ERBB4: variants seen among roughly 807,000 people sequenced by gnomAD.
The protein encoded by ERBB4 is erb-b2 receptor tyrosine kinase 4, also known as receptor tyrosine-protein kinase erbB-4.
In ERBB4, 42 loss-of-function variants were observed where a neutral mutation model predicts 158.0. The observed-to-expected ratio is 0.27, with a 90% CI of 0.21 to 0.34. The LOEUF (loss-of-function observed/expected upper bound fraction) is 0.34. ERBB4 is among the 10% of genes least tolerant of loss of function. The pLI is 1.00. For synonymous variants in ERBB4, 583 were observed against 558.7 expected (o/e 1.04, Z -0.61); for missense variants, 1,333 against 1,624.1 (o/e 0.82, Z 3.08).
intron 1 of ERBB4, among the ~76,000 whole-genome samples, chr2:212,375,605 AT>A (rs1188961634): frequency 1.3e-5 from 2 of 152,026 alleles, no homozygotes; most frequent in Non-Finnish European, 2.9e-5. Flanking sequence ...TGCAGCCTAT[AT>A]TTTTTCTTAT....
At chr2:212,506,989 G>A (rs1691228173) in intron 1 of ERBB4, among the ~76,000 whole-genome samples, 1 of 152,164 alleles carries the variant, frequency 6.6e-6, no homozygotes, top group Non-Finnish European at 1.5e-5. Flanking sequence ...AAGTTTCAAA[G>A]GACAGGCTGA....
intron 1 of ERBB4, among the ~76,000 whole-genome samples, chr2:212,537,512 C>T (rs1291373618): frequency 6.6e-6 from 1 of 152,092 alleles, no homozygotes; most frequent in African/African-American, 2.4e-5. Flanking sequence ...CCTTTGCCTG[C>T]CCAGGTACCT....
intron 3 of ERBB4, among the ~76,000 whole-genome samples, chr2:211,847,048 T>C (rs2077607855): frequency 6.6e-6 from 1 of 152,130 alleles, no homozygotes; most frequent in Non-Finnish European, 1.5e-5. Context: ...GGATTTCCTC[T>C]GACAAATGCC....
At chr2:212,299,928 G>A (rs997100061) in intron 1 of ERBB4, among the ~76,000 whole-genome samples, 1 of 151,508 alleles carries the variant, frequency 6.6e-6, no homozygotes, top group African/African-American at 2.4e-5. Context: ...TAAATCAGTT[G>A]GAGATAGTCT....
Position 211,906,851 on chromosome 2 carries a change from T to A in ERBB4, c.421+40579A>T, listed in dbSNP as rs1465034158. Among the ~76,000 whole-genome samples the A allele has an allele frequency of 1.3e-5, 2 of 151,602 alleles. 1 individual carries two copies. Among genetic ancestry groups the A allele is most frequent in the East Asian group, 3.9e-4 (2 of 5,082 alleles). ...TTAGTTTGCTAAGGATAATGGCATCTTGTCTTTTAATAAAAGGCCTCCTGT... is the reference window on the plus strand; with the variant it reads ...TTAGTTTGCTAAGGATAATGGCATCATGTCTTTTAATAAAAGGCCTCCTGT... On this transcript the variant is annotated intron_variant, in intron 3 of 27. Coordinates refer to ENST00000342788, the MANE Select transcript of ERBB4 (RefSeq NM_005235.3).
chr2:212,242,749 G>C (rs531990551), intron 1 of ERBB4, among the ~76,000 whole-genome samples: 4 of 152,090 alleles, frequency 2.6e-5, no homozygotes, highest in Non-Finnish European at 5.9e-5. Context: ...ACATAAGCTG[G>C]TACTGCATGT....
At position 212,093,175 on chromosome 2, in the gene ERBB4, C is replaced by T. The variant is rs369546948; in HGVS notation, c.234+31577G>A. On this transcript the variant is annotated intron_variant, in intron 2 of 27. Transcript: ENST00000342788. ...AATAGACCCTATCAGAGGATATAGGCGAGCACATCCCAATGGAAAGTATCT... is the reference window on the plus strand; with the variant it reads ...AATAGACCCTATCAGAGGATATAGGTGAGCACATCCCAATGGAAAGTATCT... 9.3e-4 allele frequency among the ~76,000 whole-genome samples: 141 copies of T among 152,172 alleles called. 1 individual carries two copies. In the South Asian group the frequency reaches 0.028, roughly 30 times the overall value.
chr2:211,548,114 G>A (rs1440406013), intron 20 of ERBB4, among the ~76,000 whole-genome samples: 1 of 151,972 alleles, frequency 6.6e-6, no homozygotes, highest in Non-Finnish European at 1.5e-5. Flanking sequence ...ATTTTCATCT[G>A]GTAGTATAGA....
chr2:212,150,918 C>T lies in ERBB4; in HGVS notation c.83-26015G>A, dbSNP rs1037902832. Among the ~76,000 whole-genome samples, 7 of 152,218 alleles carry T rather than the reference C, an allele frequency of 4.6e-5. No homozygotes were observed. In the East Asian group the frequency reaches 5.8e-4, roughly 13 times the overall value. On this transcript the variant is annotated intron_variant, in intron 1 of 27. Transcript: ENST00000342788. ...GCAGGTTGCTCAAGAAGAATGGTTGCCTCTGCCACTTAAAACATAATGACA... is the reference window on the plus strand; with the variant it reads ...GCAGGTTGCTCAAGAAGAATGGTTGTCTCTGCCACTTAAAACATAATGACA...
chr2:211,570,724 T>C (rs545467527), intron 19 of ERBB4, among the ~76,000 whole-genome samples: 2 of 152,176 alleles, frequency 1.3e-5, no homozygotes, highest in Non-Finnish European at 2.9e-5. Context: ...AAAATAAAAG[T>C]TCCTTCAATT....
At chr2:212,227,750 T>A (rs941688174) in intron 1 of ERBB4, among the ~76,000 whole-genome samples, 3 of 152,142 alleles carry the variant, frequency 2.0e-5, no homozygotes, top group African/African-American at 7.2e-5. Context: ...TTTATCAATA[T>A]AGACTTTTAT....
intron 3 of ERBB4, among the ~76,000 whole-genome samples, chr2:211,944,127 A>G (rs2125128549): frequency 7.0e-6 from 1 of 142,512 alleles, no homozygotes; most frequent in East Asian, 2.0e-4. Context: ...TATACACACT[A>G]TATATGTACA....
chr2:211,804,129 A>G (rs1042268312), intron 3 of ERBB4, among the ~76,000 whole-genome samples: 1 of 152,238 alleles, frequency 6.6e-6, no homozygotes, highest in Non-Finnish European at 1.5e-5. Context: ...TGAATAGGAA[A>G]GGCTTACATG....
At chr2:212,328,513 G>T (rs1174761492) in intron 1 of ERBB4, among the ~76,000 whole-genome samples, 5 of 152,070 alleles carry the variant, frequency 3.3e-5, no homozygotes, top group Middle Eastern at 3.4e-3. Context: ...TGAAGCTGGA[G>T]ATATTATGGT....
At chr2:212,266,701 A>G (rs2085149449) in intron 1 of ERBB4, among the ~76,000 whole-genome samples, 2 of 152,004 alleles carry the variant, frequency 1.3e-5, no homozygotes, top group Admixed American at 1.3e-4. Flanking sequence ...TTAGTGGAAT[A>G]TTCTCAGACT....
intron 3 of ERBB4, among the ~76,000 whole-genome samples, chr2:211,793,470 T>TA: frequency 6.6e-6 from 1 of 151,940 alleles, no homozygotes; most frequent in Non-Finnish European, 1.5e-5. Context: ...GTCAGACTTA[T>TA]ACTATCTATC....
At chr2:211,658,104 T>C (rs1457940446) in intron 15 of ERBB4, 1 of 738,600 alleles carries the variant, frequency 1.4e-6, no homozygotes, top group East Asian at 3.6e-5. Context: ...TAGACTATTT[T>C]GGAACACAAT....
At chr2:211,504,070 G>A (rs2065683297) in intron 20 of ERBB4, among the ~76,000 whole-genome samples, 1 of 152,048 alleles carries the variant, frequency 6.6e-6, no homozygotes, top group Admixed American at 6.6e-5. Flanking sequence ...AAACTGCAGG[G>A]CCATTTGCAA....
chr2:211,451,169 C>T (rs1375272399), intron 20 of ERBB4, among the ~76,000 whole-genome samples: 1 of 152,110 alleles, frequency 6.6e-6, no homozygotes, highest in East Asian at 1.9e-4. Context: ...AAGAGCAGTG[C>T]AGCAGAAATC....
Sources: gnomAD v4.1 joint callset for allele counts (sites outside exome capture counted in the v4.1 genomes callset) on GRCh38, gnomAD v4.1.1 for gene constraint, MANE v1.5 for transcripts, NCBI Gene and HGNC (gene_info 2026-07-23, HGNC 2026-07-21) for gene names.